The following DDX1 variants were observed in gnomAD, a reference collection of about 807,000 sequenced individuals.
The protein encoded by DDX1 is DEAD-box helicase 1, also known as ATP-dependent RNA helicase DDX1.
DDX1 carries 28 observed loss-of-function variants against 108.7 expected under a neutral mutation model. The observed-to-expected ratio is 0.26, with a 90% CI of 0.19 to 0.35. The LOEUF (loss-of-function observed/expected upper bound fraction) is 0.35, where lower values mean the gene tolerates loss of function less well. DDX1 is among the 10% of genes least tolerant of loss of function. The pLI is 1.00. For synonymous variants in DDX1, 295 were observed against 288.9 expected (o/e 1.02, Z -0.21); for missense variants, 710 against 884.5 (o/e 0.80, Z 2.50).
intron 23 of DDX1, 134 bp from the exon 24 acceptor site, chr2:15,629,468 G>A (rs1666156592): frequency 1.6e-6 from 1 of 620,978 alleles, no homozygotes; most frequent in Non-Finnish European, 2.7e-6. Context: ...GTGGTAATTG[G>A]ATGATATATC....
chr2:15,611,861 G>C (rs1348765804), intron 13 of DDX1, among the ~76,000 whole-genome samples: 1 of 102,692 alleles, frequency 9.7e-6, no homozygotes, highest in Non-Finnish European at 1.9e-5. Context: ...AGTAGGGGCG[G>C]CTGGGCAGAG....
chr2:15,609,158 C>T (rs781713628), intron 13 of DDX1, among the ~76,000 whole-genome samples: 2 of 152,094 alleles, frequency 1.3e-5, no homozygotes, highest in East Asian at 3.9e-4. Context: ...AACTCAGGGA[C>T]GTCTTTATAA....
chr2:15,624,949 T>C (rs1405172782), intron 19 of DDX1, among the ~76,000 whole-genome samples: 2 of 152,276 alleles, frequency 1.3e-5, no homozygotes, highest in East Asian at 3.9e-4. Context: ...GCAATTAAAC[T>C]GCTAGATGTT....
At chr2:15,592,934 G>C (rs567736133) in intron 1 of DDX1, among the ~76,000 whole-genome samples, 30 of 126,320 alleles carry the variant, frequency 2.4e-4, no homozygotes, top group African/African-American at 8.1e-4. Flanking sequence ...GAATGGGGGG[G>C]TGGGGGGATG....
In DDX1 at chr2:15,630,191, C is replaced by G. The variant is rs182684435; in HGVS notation, c.2092+81C>G. The G allele has an allele frequency of 1.8e-4, 250 of 1,369,700 alleles. 1 individual carries two copies. In the African/African-American group the frequency reaches 3.3e-3, roughly 18 times the overall value. The allele number at this position is 1,369,700 out of a possible 1,614,324, so 84.8% of individuals were successfully genotyped here. A position where few individuals can be genotyped will look rare whatever the true frequency, so the allele number is the denominator to read the frequency against. On this transcript the variant is annotated intron_variant, in intron 25 of 25. Transcript: ENST00000233084. The stretch of plus-strand genomic sequence containing the variant: ...CTTCGGTTTGGGAAGGCAGTACTTT[C>G]ATTTCATTAGGTTAAGAGTATATTT...
chr2:15,624,493 C>T (rs1012194683), intron 19 of DDX1, among the ~76,000 whole-genome samples: 2 of 152,162 alleles, frequency 1.3e-5, no homozygotes, highest in African/African-American at 2.4e-5. Context: ...TCCTTCTTTA[C>T]ATGGCAGCAG....
In DDX1 at chr2:15,594,601, C is replaced by A. The variant is rs563863771; in HGVS notation, c.17-544C>A. Among the ~76,000 whole-genome samples, 15 of 152,336 alleles carry A rather than the reference C, an allele frequency of 9.8e-5. No individual in the cohort carries two copies. The South Asian group carries it at 3.1e-3, about 32-fold the overall frequency. On this transcript the variant is annotated intron_variant, in intron 1 of 25. Transcript: ENST00000233084. The stretch of plus-strand genomic sequence containing the variant: ...TTTTCACCACTGACCCCTCCCTCTT[C>A]AGTTATTCAGAATTTTGATTATGGC...
chr2:15,614,152 T>C (rs1185134508), intron 14 of DDX1, among the ~76,000 whole-genome samples: 6 of 152,234 alleles, frequency 3.9e-5, no homozygotes, highest in Non-Finnish European at 8.8e-5. Context: ...TGTTTATCAG[T>C]TCTGTGAAGG....
chr2:15,620,528 T>G, intron 17 of DDX1, 132 bp downstream of exon 17: 1 of 622,136 alleles, frequency 1.6e-6, no homozygotes, highest in Non-Finnish European at 2.7e-6. Flanking sequence ...CGTAAACCCT[T>G]AGACCTTTAA....
chr2:15,628,676 G>C lies in DDX1; in HGVS notation c.1798G>C (p.Val600Leu). 6.2e-7 allele frequency: 1 copy of C among 1,613,198 alleles called. No individual in the cohort carries two copies. The highest frequency in any genetic ancestry group is 1.1e-5 in the South Asian group (1 of 90,980). The change falls in exon 22 of 26, where the codon GTA becomes CTA. Residue 600 changes from valine (V) to leucine (L), a missense_variant. By Grantham distance (32) the Val-to-Leu change is conservative. This residue lies in a region of DDX1 where 661 missense variants were observed against 810.2 expected (regional missense o/e 0.82). Transcript: ENST00000233084. Reference protein sequence around the residue: ...VTLPDEKQNYVHRIGRVGRAE... With the variant: ...VTLPDEKQNYLHRIGRVGRAE... ...TCTGCCCGATGAAAAGCAAAACTACGTACATCGAATTGGCAGAGTAGGAAG... is the reference window on the plus strand; with the variant it reads ...TCTGCCCGATGAAAAGCAAAACTACCTACATCGAATTGGCAGAGTAGGAAG...
At chr2:15,592,420 T>C (rs530568427) in intron 1 of DDX1, among the ~76,000 whole-genome samples, 1 of 152,350 alleles carries the variant, frequency 6.6e-6, no homozygotes, top group East Asian at 1.9e-4. Context: ...TGTCCAGTTT[T>C]TTCAGGCCCT....
chr2:15,623,409 GT>G (rs754358028), intron 18 of DDX1, 26 bp from the exon 19 acceptor site: 19 of 1,609,660 alleles, frequency 1.2e-5, no homozygotes, highest in Non-Finnish European at 1.4e-5. Context: ...AATTCTGTTG[GT>G]TTTTGTTGTT....
At chr2:15,626,681 G>T (rs1208306950) in intron 19 of DDX1, among the ~76,000 whole-genome samples, 4 of 152,102 alleles carry the variant, frequency 2.6e-5, no homozygotes, top group African/African-American at 9.7e-5. Flanking sequence ...ACTTGATGAT[G>T]CTTAATTTTG....
chr2:15,618,301 C>A (rs1665933389), intron 16 of DDX1, 31 bp downstream of exon 16: 1 of 1,123,272 alleles, frequency 8.9e-7, no homozygotes. Flanking sequence ...TCTTAAAATG[C>A]ATGTAAACAA....
rs200503920 is a variant in DDX1, at chr2:15,607,179, T to C, written c.822T>C (p.Asn274=). The part of the protein sequence containing the change: ...GYIVKSQHSG[N]AQVTQTKFLP... The stretch of plus-strand genomic sequence containing the variant: ...TCATCTTTTTTATTCCCTAAGGTAA[T>C]GCACAGGTGACACAAACAAAGTTTC... Residue 274 remains asparagine (N), a synonymous_variant, in exon 13 of 26, where the codon AAT becomes AAC. Transcript: ENST00000233084. The C allele has an allele frequency of 6.8e-6, 11 of 1,613,998 alleles. No homozygotes were observed. The Admixed American group carries it at 1.3e-4, about 20-fold the overall frequency.
chr2:15,628,871 G>T (rs889170658), intron 23 of DDX1, 32 bp downstream of exon 23: 1 of 1,583,014 alleles, frequency 6.3e-7, no homozygotes, highest in Admixed American at 1.7e-5. Context: ...TATATTCATT[G>T]TGTGTGTTGT....
chr2:15,599,593 G>A (rs563670017), intron 5 of DDX1, 76 bp from the exon 6 acceptor site: 488 of 1,138,968 alleles, frequency 4.3e-4, no homozygotes, highest in Admixed American at 7.5e-4. Flanking sequence ...GATTACAGTC[G>A]TGAGTCACCG....
intron 14 of DDX1, 35 bp from the exon 15 acceptor site, chr2:15,617,209 A>T (rs745519291): frequency 2.7e-6 from 3 of 1,126,280 alleles, no homozygotes; most frequent in Non-Finnish European, 3.9e-6. Flanking sequence ...CTGTTTCTTT[A>T]GTTTTCATTA....
rs1433624339 is a variant in DDX1 at position 15,607,216 on chromosome 2, C to G, written c.859C>G (p.Pro287Ala). Residue 287 changes from proline (P) to alanine (A), a missense_variant, in exon 13 of 26, where the codon CCG (proline) becomes GCG (alanine). By Grantham distance (27) the Pro-to-Ala change is conservative. Transcript: ENST00000233084. ...ACAAACAAAGTTTCTCCCCAATGCT[C>G]CGAAAGCTCTCATTGTTGAACCTTC... ...VTQTKFLPNA[P>A]KALIVEPSRE... 6.2e-7 allele frequency: 1 copy of G among 1,613,976 alleles called. No individual in the cohort carries two copies. Among genetic ancestry groups the G allele is most frequent in the South Asian group, 1.1e-5 (1 of 91,066 alleles).
Sources: gnomAD v4.1 joint callset for allele counts (sites outside exome capture counted in the v4.1 genomes callset) on GRCh38, gnomAD v4.1.1 for gene constraint, gnomAD v4.1.1 regional missense constraint, MANE v1.5 for transcripts, NCBI Gene and HGNC (gene_info 2026-07-23, HGNC 2026-07-21) for gene names.